The following ADAM12 variants were observed in gnomAD, a reference collection of about 807,000 sequenced individuals.
ADAM12 encodes ADAM metallopeptidase domain 12, also known as disintegrin and metalloproteinase domain-containing protein 12.
In ADAM12, 70 loss-of-function variants were observed where a neutral mutation model predicts 106.4. The observed-to-expected ratio is 0.66, with a 90% confidence interval of 0.54 to 0.80. The LOEUF is 0.80. ADAM12 is among the 30% of genes least tolerant of loss of function. The probability of loss-of-function intolerance (pLI) is 0.00; values close to 1 mark genes in which losing one functional copy is unlikely to be tolerated. For missense variants in ADAM12, 1,010 were observed against 1,171.9 expected, an observed-to-expected ratio of 0.86 and a Z score of 2.02; for synonymous variants, 420 against 433.5, an observed-to-expected ratio of 0.97 and a Z score of 0.39.
chr10:126,334,222 T>C (rs1854616516), intron 1 of ADAM12, among the ~76,000 whole-genome samples: 1 of 152,204 alleles, frequency 6.6e-6, no homozygotes, highest in African/African-American at 2.4e-5. Context: ...GATGGATACA[T>C]TCAAGCCTGA....
chr10:126,329,729 A>G (rs1854434253), intron 2 of ADAM12, among the ~76,000 whole-genome samples: 1 of 152,240 alleles, frequency 6.6e-6, no homozygotes, highest in Non-Finnish European at 1.5e-5. Context: ...TGCTCTTCAA[A>G]AAATCTGCTA....
intron 4 of ADAM12, among the ~76,000 whole-genome samples, chr10:126,141,855 C>A (rs1252093419): frequency 6.6e-6 from 1 of 152,190 alleles, no homozygotes; most frequent in Non-Finnish European, 1.5e-5. Flanking sequence ...AGACTCCTTG[C>A]CCTATGCAAT....
At chr10:126,310,218 T>G (rs542236187) in intron 2 of ADAM12, among the ~76,000 whole-genome samples, 1 of 149,556 alleles carries the variant, frequency 6.7e-6, no homozygotes, top group African/African-American at 2.5e-5. Flanking sequence ...GGTCCAGAGA[T>G]GCAATGCAGT....
At chr10:126,082,268 T>C (rs2133530772) in intron 11 of ADAM12, among the ~76,000 whole-genome samples, 1 of 151,932 alleles carries the variant, frequency 6.6e-6, no homozygotes, top group East Asian at 1.9e-4. Context: ...CTTCCGTCCA[T>C]TTCCTGGCCA....
chr10:126,376,816 G>A (rs1856310679), intron 1 of ADAM12, among the ~76,000 whole-genome samples: 1 of 152,194 alleles, frequency 6.6e-6, no homozygotes, highest in African/African-American at 2.4e-5. Flanking sequence ...TAAAAGGAGA[G>A]GAGGGGAGAA....
chr10:126,074,580 T>G (rs1308979258), intron 11 of ADAM12, among the ~76,000 whole-genome samples: 1 of 152,230 alleles, frequency 6.6e-6, no homozygotes, highest in Non-Finnish European at 1.5e-5. Context: ...TGTCAGACTG[T>G]ATAGTGATCT....
intron 1 of ADAM12, among the ~76,000 whole-genome samples, chr10:126,363,370 G>C (rs1855803368): frequency 6.6e-6 from 1 of 152,060 alleles, no homozygotes; most frequent in Admixed American, 6.6e-5. Flanking sequence ...AATTTTTACT[G>C]TCCCAAAAAA....
chr10:126,185,280 GT>G (rs1957380736), intron 3 of ADAM12, among the ~76,000 whole-genome samples: 1 of 152,220 alleles, frequency 6.6e-6, no homozygotes, highest in East Asian at 1.9e-4. Context: ...TAACAATGGT[GT>G]AAAATAAAAA....
chr10:126,109,902 T>C, intron 6 of ADAM12, 62 bp from the exon 7 acceptor site: 3 of 1,506,106 alleles, frequency 2.0e-6, no homozygotes, highest in Admixed American at 1.7e-5. Flanking sequence ...AGACTGTCAA[T>C]GTCTCTCAAT....
intron 3 of ADAM12, among the ~76,000 whole-genome samples, chr10:126,191,763 T>C (rs1043558176): frequency 6.6e-6 from 1 of 152,214 alleles, no homozygotes; most frequent in Non-Finnish European, 1.5e-5. Flanking sequence ...AAATCTTGGC[T>C]CTACTAATAA....
intron 2 of ADAM12, among the ~76,000 whole-genome samples, chr10:126,317,793 C>T (rs1159542258): frequency 6.6e-6 from 1 of 152,108 alleles, no homozygotes; most frequent in Non-Finnish European, 1.5e-5. Context: ...GAGTTTTGCT[C>T]TGTCACCCAT....
At chr10:126,300,300 C>T (rs1270266084) in intron 2 of ADAM12, among the ~76,000 whole-genome samples, 1 of 152,144 alleles carries the variant, frequency 6.6e-6, no homozygotes, top group Admixed American at 6.5e-5. Context: ...GATCCCATCC[C>T]ACCTGACAGG....
chr10:126,166,501 G>GTTT (rs1284112556), intron 3 of ADAM12, among the ~76,000 whole-genome samples: 3 of 151,686 alleles, frequency 2.0e-5, no homozygotes, highest in African/African-American at 7.3e-5. Context: ...CTTTTTTTTT[G>GTTT]TTTTTTGTTT....
intron 3 of ADAM12, among the ~76,000 whole-genome samples, chr10:126,158,045 G>T (rs10901542): frequency 0.63 from 96,031 of 152,088 alleles, 31,609 homozygotes; most frequent in East Asian, 0.77. Flanking sequence ...GTGAACGAAT[G>T]TTCCACAGCA....
chr10:126,065,417 T>C (rs1954847061), intron 13 of ADAM12, among the ~76,000 whole-genome samples: 1 of 152,208 alleles, frequency 6.6e-6, no homozygotes, highest in African/African-American at 2.4e-5. Flanking sequence ...TGTTGGCATG[T>C]GTGGGCAAGT....
At chr10:126,365,239 T>C (rs1315306897) in intron 1 of ADAM12, among the ~76,000 whole-genome samples, 1 of 152,194 alleles carries the variant, frequency 6.6e-6, no homozygotes, top group African/African-American at 2.4e-5. Context: ...CTGCTTCCGG[T>C]GCCATCGTTT....
chr10:126,023,692 G>T (rs1953813129), intron 21 of ADAM12, among the ~76,000 whole-genome samples: 1 of 152,160 alleles, frequency 6.6e-6, no homozygotes, highest in East Asian at 1.9e-4. Flanking sequence ...TGGACAGACC[G>T]AGGGAGAAAA....
chr10:126,377,225 T>C (rs1856324392), intron 1 of ADAM12, among the ~76,000 whole-genome samples: 1 of 152,136 alleles, frequency 6.6e-6, no homozygotes, highest in African/African-American at 2.4e-5. Context: ...CCAACTCTAT[T>C]AGTCAGGGTT....
intron 1 of ADAM12, among the ~76,000 whole-genome samples, chr10:126,347,419 G>C (rs1855186954): frequency 6.6e-6 from 1 of 152,252 alleles, no homozygotes; most frequent in East Asian, 1.9e-4. Flanking sequence ...TTCCCTTTGT[G>C]GGTAACCCGA....
Sources: gnomAD v4.1 joint callset for allele counts (sites outside exome capture counted in the v4.1 genomes callset) on GRCh38, gnomAD v4.1.1 for gene constraint, MANE v1.5 for transcripts, NCBI Gene and HGNC (gene_info 2026-07-23, HGNC 2026-07-21) for gene names.